USH2A: variants seen among roughly 807,000 people sequenced by gnomAD.
USH2A encodes the protein usherin, also known as Usher syndrome 2A (autosomal recessive, mild).
A neutral mutation model predicts 538.9 loss-of-function variants in USH2A; 443 were observed. The ratio of observed to expected loss-of-function variants is 0.82; its 90% CI spans 0.76 to 0.89. The LOEUF is 0.89. Ranked by LOEUF, USH2A falls within the 40% of genes least tolerant of loss-of-function variation. The pLI, the probability that USH2A is intolerant of heterozygous loss-of-function variation, is 0.00. For synonymous variants in USH2A, 2,413 were observed against 2,273.5 expected (o/e 1.06, Z -1.75); for missense variants, 6,633 against 6,324.8 (o/e 1.05, Z -1.65).
chr1:216,236,933 C>G (rs913276710), intron 13 of USH2A, among the ~76,000 whole-genome samples: 5 of 152,132 alleles, frequency 3.3e-5, no homozygotes, highest in African/African-American at 9.7e-5. Context: ...AACATATTCT[C>G]TAAGAATCAA....
rs1447197199 is a variant in USH2A, at chr1:216,292,271, T to G, written c.1744A>C (p.Lys582Gln). ...ACAGAGATGTTGTAATGGCAGCTTT[T>G]GGAATGGCTGTTGCATTGACAAGGT... ...CKPCQCNSHS[K>Q]SCHYNISVDP... is the part of the protein sequence containing the mutation. Residue 582 changes from lysine (K) to glutamine (Q), a missense_variant, in exon 10 of 72, where the codon AAA becomes CAA. Coordinates refer to ENST00000307340, the MANE Select transcript of USH2A (RefSeq NM_206933.4). The G allele has an allele frequency of 2.5e-6, 4 of 1,614,094 alleles. No individual in the cohort carries two copies. Among genetic ancestry groups the G allele is most frequent in the Non-Finnish European group, 3.4e-6 (4 of 1,179,982 alleles).
At chr1:215,979,204 G>T (rs2813731) in intron 35 of USH2A, among the ~76,000 whole-genome samples, 145,222 of 152,236 alleles carry the variant, frequency 0.95, 69,317 homozygotes, top group East Asian at 1. Flanking sequence ...TTCACTATCA[G>T]GAGAACAGCA....
At chr1:216,341,085 T>G (rs953242161) in intron 4 of USH2A, among the ~76,000 whole-genome samples, 1 of 152,100 alleles carries the variant, frequency 6.6e-6, no homozygotes, top group Non-Finnish European at 1.5e-5. Context: ...TGATTCTATA[T>G]TTAGAAAACG....
chr1:216,189,502 G>A (rs753424056), intron 20 of USH2A, among the ~76,000 whole-genome samples: 1 of 151,644 alleles, frequency 6.6e-6, no homozygotes. Context: ...TAAATAATTG[G>A]GTTTTATAAG....
intron 21 of USH2A, among the ~76,000 whole-genome samples, chr1:216,115,045 T>C (rs2032971131): frequency 1.3e-5 from 2 of 152,178 alleles, no homozygotes; most frequent in Non-Finnish European, 2.9e-5. Flanking sequence ...TAGGCATCTA[T>C]GTATCTTTCC....
At position 215,747,887 on chromosome 1, in the gene USH2A, T is replaced by G. The variant is rs564085184; in HGVS notation, c.11390-4552A>C. Among the ~76,000 whole-genome samples, 1,190 of 140,330 alleles carry G rather than the reference T, an allele frequency of 8.5e-3. 22 individuals carry two copies. The highest frequency in any genetic ancestry group is 0.028 in the African/African-American group (1,084 of 38,406). The allele number at this position is 140,330 out of a possible 152,430, so 92.1% of individuals were successfully genotyped here. ...TTGTTTTTTTTTGTTTGTTTGTTTGTTTGGTTTTTTTTTTTGAGACGGAGT... is the reference window on the plus strand; with the variant it reads ...TTGTTTTTTTTTGTTTGTTTGTTTGGTTGGTTTTTTTTTTTGAGACGGAGT... On this transcript the variant is annotated intron_variant, in intron 58 of 71. Coordinates refer to ENST00000307340, the MANE Select transcript of USH2A (RefSeq NM_206933.4).
chr1:216,241,038 T>C (rs1037488954), intron 13 of USH2A, among the ~76,000 whole-genome samples: 4 of 152,066 alleles, frequency 2.6e-5, no homozygotes, highest in African/African-American at 9.7e-5. Context: ...GAAGACAAAT[T>C]TTTTGAGCAA....
Position 216,196,424 on chromosome 1 carries a change from A to G in USH2A, c.4251+129T>C, listed in dbSNP as rs2034845339. Reference sequence around the variant, plus strand: ...GGGAGGCTTGTACACATAATATTATATTAAGAAAAAATGCCCTGTTTAATC... The same window carrying G: ...GGGAGGCTTGTACACATAATATTATGTTAAGAAAAAATGCCCTGTTTAATC... On this transcript the variant is annotated intron_variant, in intron 19 of 71. Transcript: ENST00000307340. The G allele has an allele frequency of 4.2e-6, 4 of 953,244 alleles. No homozygotes were observed. The South Asian group carries it at 4.4e-5, about 10-fold the overall frequency. The allele number at this position is 953,244 out of a possible 1,614,324, so 59.0% of individuals were successfully genotyped here.
intron 3 of USH2A, among the ~76,000 whole-genome samples, chr1:216,369,292 C>A (rs2038657894): frequency 6.6e-6 from 1 of 152,094 alleles, no homozygotes; most frequent in Non-Finnish European, 1.5e-5. Context: ...ATGTTGTATT[C>A]CCCTACCTAC....
intron 3 of USH2A, among the ~76,000 whole-genome samples, chr1:216,415,943 T>C (rs914810362): frequency 6.6e-6 from 1 of 152,030 alleles, no homozygotes; most frequent in African/African-American, 2.4e-5. Flanking sequence ...GGCAGGTGGA[T>C]CACCTGAGGT....
intron 63 of USH2A, among the ~76,000 whole-genome samples, chr1:215,673,301 T>C (rs1314339549): frequency 6.6e-6 from 1 of 152,184 alleles, no homozygotes; most frequent in Non-Finnish European, 1.5e-5. Context: ...TAGCTGAATT[T>C]TACCTGAGGT....
At chr1:215,708,692 T>A (rs1329645878) in intron 61 of USH2A, among the ~76,000 whole-genome samples, 1 of 152,148 alleles carries the variant, frequency 6.6e-6, no homozygotes, top group Non-Finnish European at 1.5e-5. Context: ...ACAGCTGATC[T>A]GTGGAGCAGA....
chr1:216,245,534 C>G (rs943958188), intron 13 of USH2A, among the ~76,000 whole-genome samples: 9 of 144,156 alleles, frequency 6.2e-5, no homozygotes, highest in Non-Finnish European at 9.0e-5. Context: ...GAATATGTAT[C>G]AGTGGAAGCA....
At chr1:216,043,590 T>C (rs528474334) in intron 32 of USH2A, among the ~76,000 whole-genome samples, 5 of 152,272 alleles carry the variant, frequency 3.3e-5, no homozygotes, top group South Asian at 4.1e-4. Flanking sequence ...TACACTATGG[T>C]GCCATTTACC....
At position 215,888,512 on chromosome 1, in the gene USH2A, C is replaced by T. The variant is rs199934541; in HGVS notation, c.8137G>A (p.Ala2713Thr). The T allele has an allele frequency of 2.5e-6, 4 of 1,614,172 alleles. No homozygotes were observed. The highest frequency in any genetic ancestry group is 2.2e-5 in the East Asian group (1 of 44,862). The change falls in exon 41 of 72, where the codon GCT becomes ACT. Residue 2713 changes from alanine (A) to threonine (T), a missense_variant. Coordinates refer to ENST00000307340, the MANE Select transcript of USH2A (RefSeq NM_206933.4). ...STLHGGTNSS[A>T]WVEVTTRPSR... is the part of the protein sequence containing the mutation. ...GGTCTTGTGGTAACTTCTACCCAAG[C>T]ACTGCTGTTTGTGCCTCCATGAAGA...
At chr1:215,663,400 T>A (rs1210272954) in intron 64 of USH2A, among the ~76,000 whole-genome samples, 1 of 152,178 alleles carries the variant, frequency 6.6e-6, no homozygotes, top group African/African-American at 2.4e-5. Context: ...TTGCACAAGC[T>A]ATGTGATCTT....
chr1:216,007,708 T>G (rs1048574811), intron 32 of USH2A, among the ~76,000 whole-genome samples: 1 of 152,206 alleles, frequency 6.6e-6, no homozygotes, highest in African/African-American at 2.4e-5. Flanking sequence ...GGAAGGGTTG[T>G]CTCAATAGTT....
intron 38 of USH2A, among the ~76,000 whole-genome samples, chr1:215,917,432 T>C (rs917294226): frequency 6.6e-6 from 1 of 152,022 alleles, no homozygotes; most frequent in Non-Finnish European, 1.5e-5. Context: ...ACAACAATAC[T>C]GTTCAATTAA....
intron 13 of USH2A, among the ~76,000 whole-genome samples, chr1:216,242,378 A>T (rs555102536): frequency 5.3e-4 from 79 of 149,774 alleles, no homozygotes; most frequent in African/African-American, 1.8e-3. Flanking sequence ...AAGAAAAAAA[A>T]AATATATATA....
Sources: gnomAD v4.1 joint callset for allele counts (sites outside exome capture counted in the v4.1 genomes callset) on GRCh38, gnomAD v4.1.1 for gene constraint, MANE v1.5 for transcripts, NCBI Gene and HGNC (gene_info 2026-07-23, HGNC 2026-07-21) for gene names.